Variants in RASAL2 observed in about 807,000 individuals in gnomAD.
RASAL2 encodes ras GTPase-activating protein nGAP.
Under a neutral mutation model 128.9 loss-of-function variants are expected in RASAL2, and 58 were observed. The ratio of observed to expected loss-of-function variants is 0.45; its 90% CI spans 0.36 to 0.56. The LOEUF is 0.56. Ranked by LOEUF, RASAL2 falls within the 20% of genes least tolerant of loss-of-function variation. The pLI is 0.00. For synonymous variants in RASAL2, 561 were observed against 580.8 expected (o/e 0.97, Z 0.49); for missense variants, 1,360 against 1,601.6 (o/e 0.85, Z 2.57).
intron 1 of RASAL2, among the ~76,000 whole-genome samples, chr1:178,169,288 A>C (rs1661625750): frequency 6.6e-6 from 1 of 152,192 alleles, no homozygotes; most frequent in South Asian, 2.1e-4. Context: ...TTGTATTCAC[A>C]TAACTTAGAG....
chr1:178,446,804 T>G (rs1372869710), intron 9 of RASAL2, among the ~76,000 whole-genome samples: 1 of 152,230 alleles, frequency 6.6e-6, no homozygotes. Flanking sequence ...GATAGAATTG[T>G]CAAACTTTCT....
intron 7 of RASAL2, among the ~76,000 whole-genome samples, chr1:178,442,292 G>A (rs1045592303): frequency 6.6e-6 from 1 of 152,126 alleles, no homozygotes; most frequent in African/African-American, 2.4e-5. Context: ...TGAAAAGTTA[G>A]GTGAATTGGC....
chr1:178,376,872 A>G (rs1190695997), intron 3 of RASAL2, among the ~76,000 whole-genome samples: 2 of 152,152 alleles, frequency 1.3e-5, no homozygotes, highest in African/African-American at 4.8e-5. Context: ...AATTATTGAA[A>G]TTATTCTGTC....
chr1:178,206,936 A>G (rs1663070077), intron 1 of RASAL2, among the ~76,000 whole-genome samples: 1 of 152,160 alleles, frequency 6.6e-6, no homozygotes. Flanking sequence ...GCACTTTGGG[A>G]GGCCAAGGCA....
In RASAL2 at chr1:178,128,462, G is replaced by C. The variant is rs1659980217; in HGVS notation, c.202+33768G>C. On this transcript the variant is annotated intron_variant, in intron 1 of 17. Transcript: ENST00000367649. The stretch of plus-strand genomic sequence containing the variant: ...ATCTCACATTGGTGATGTTATAATA[G>C]AGAGAAGGAAATGATTTTGTTGTTT... 1.3e-5 allele frequency among the ~76,000 whole-genome samples: 2 copies of C among 152,124 alleles called. 1 individual carries two copies. The highest frequency in any genetic ancestry group is 4.1e-4 in the South Asian group (2 of 4,832).
chr1:178,428,594 A>G (rs1485067599), intron 5 of RASAL2, among the ~76,000 whole-genome samples: 2 of 151,536 alleles, frequency 1.3e-5, no homozygotes, highest in East Asian at 3.9e-4. Flanking sequence ...TATTGAATAT[A>G]TATATATTTT....
intron 1 of RASAL2, among the ~76,000 whole-genome samples, chr1:178,263,221 A>C (rs1473202846): frequency 6.6e-6 from 1 of 152,220 alleles, no homozygotes. Context: ...CAATAGGAGT[A>C]ACAAATGAAC....
At chr1:178,164,124 TTG>T (rs199664606) in intron 1 of RASAL2, among the ~76,000 whole-genome samples, 1,591 of 152,250 alleles carry the variant, frequency 0.01, 21 homozygotes, top group Non-Finnish European at 0.014. Flanking sequence ...TTCAACTTTT[TTG>T]TGTGTCTGAA....
intron 1 of RASAL2, among the ~76,000 whole-genome samples, chr1:178,202,848 G>C (rs1662918747): frequency 6.6e-6 from 1 of 152,180 alleles, no homozygotes; most frequent in Admixed American, 6.5e-5. Flanking sequence ...CTGTGTCATT[G>C]CCCAATGGGC....
At chr1:178,275,189 C>A (rs1666440218) in intron 1 of RASAL2, among the ~76,000 whole-genome samples, 1 of 152,218 alleles carries the variant, frequency 6.6e-6, no homozygotes, top group African/African-American at 2.4e-5. Context: ...AAGGGACTTA[C>A]CTCTTTTAAG....
intron 3 of RASAL2, chr1:178,389,321 A>G (rs926248412): frequency 7.4e-6 from 7 of 941,486 alleles, no homozygotes; most frequent in African/African-American, 1.8e-5. Context: ...TAATACGTAT[A>G]TATCTATCAT....
At chr1:178,109,561 T>G (rs1428881496) in intron 1 of RASAL2, among the ~76,000 whole-genome samples, 6 of 152,148 alleles carry the variant, frequency 3.9e-5, no homozygotes, top group Admixed American at 3.3e-4. Flanking sequence ...CTCAGAAACT[T>G]AAAGTATGAT....
At chr1:178,209,804 A>G (rs1663189906) in intron 1 of RASAL2, among the ~76,000 whole-genome samples, 2 of 151,828 alleles carry the variant, frequency 1.3e-5, no homozygotes, top group Admixed American at 1.3e-4. Context: ...CTATGTATGT[A>G]TATTATATTT....
chr1:178,255,714 T>C (rs898357756), intron 1 of RASAL2, among the ~76,000 whole-genome samples: 4 of 150,610 alleles, frequency 2.7e-5, no homozygotes, highest in Admixed American at 2.0e-4. Context: ...AAAAATAACT[T>C]TATTTAAATG....
At chr1:178,364,974 A>C (rs1671323582) in intron 3 of RASAL2, among the ~76,000 whole-genome samples, 1 of 152,100 alleles carries the variant, frequency 6.6e-6, no homozygotes, top group African/African-American at 2.4e-5. Flanking sequence ...CTAGATAATC[A>C]TTAACGTCTT....
intron 1 of RASAL2, among the ~76,000 whole-genome samples, chr1:178,258,402 A>AC (rs977070254): frequency 6.6e-6 from 1 of 152,060 alleles, no homozygotes; most frequent in African/African-American, 2.4e-5. Flanking sequence ...ACATATAAAA[A>AC]CTCTTACATC....
intron 1 of RASAL2, among the ~76,000 whole-genome samples, chr1:178,220,229 A>G (rs1184153186): frequency 1.3e-5 from 2 of 152,150 alleles, no homozygotes; most frequent in East Asian, 3.9e-4. Flanking sequence ...GTATTCCTTT[A>G]TAGAGACACA....
intron 1 of RASAL2, among the ~76,000 whole-genome samples, chr1:178,145,989 T>C (rs1571542799): frequency 6.6e-6 from 1 of 152,194 alleles, no homozygotes; most frequent in Non-Finnish European, 1.5e-5. Context: ...GGATCCATTA[T>C]TGAGGAAGGA....
chr1:178,410,040 G>T (rs2102697208), intron 4 of RASAL2, among the ~76,000 whole-genome samples: 1 of 152,204 alleles, frequency 6.6e-6, no homozygotes, highest in East Asian at 1.9e-4. Flanking sequence ...AAAATGGAGG[G>T]TGTTGGTAAT....
Sources: gnomAD v4.1 joint callset for allele counts (sites outside exome capture counted in the v4.1 genomes callset) on GRCh38, gnomAD v4.1.1 for gene constraint, MANE v1.5 for transcripts, NCBI Gene and HGNC (gene_info 2026-07-23, HGNC 2026-07-21) for gene names.